RNLS: variants seen among roughly 807,000 people sequenced by gnomAD.
RNLS encodes the protein renalase.
A neutral mutation model predicts 39.8 loss-of-function variants in RNLS; 39 were observed. The observed-to-expected ratio is 0.98, with a 90% confidence interval of 0.76 to 1.28. The LOEUF is 1.28. Ranked by LOEUF, RNLS falls within the 50% of genes most tolerant of loss-of-function variation. The probability of loss-of-function intolerance (pLI) is 0.00; values close to 1 mark genes in which losing one functional copy is unlikely to be tolerated. For missense variants in RNLS, 410 were observed against 413.3 expected, an observed-to-expected ratio of 0.99 and a Z score of 0.07; for synonymous variants, 147 against 150.7, an observed-to-expected ratio of 0.98 and a Z score of 0.18.
the RNLS span, among the ~76,000 whole-genome samples, chr10:88,259,739 C>CT: frequency 6.6e-6 from 1 of 152,052 alleles, no homozygotes; most frequent in Non-Finnish European, 1.5e-5. Context: ...TAAAGATAGA[C>CT]TTTTTTTGTT....
chr10:88,192,362 A>G, the RNLS span, among the ~76,000 whole-genome samples: 4 of 152,238 alleles, frequency 2.6e-5, no homozygotes, highest in African/African-American at 9.6e-5. Context: ...CTAAATATCT[A>G]AGTACCCATG....
chr10:88,454,364 C>T (rs1487855197), intron 4 of RNLS, among the ~76,000 whole-genome samples: 1 of 152,148 alleles, frequency 6.6e-6, no homozygotes, highest in Non-Finnish European at 1.5e-5. Context: ...TGTAGATCCA[C>T]CTTTTCCCTT....
intron 5 of RNLS, among the ~76,000 whole-genome samples, chr10:88,337,504 T>C (rs1311224036): frequency 2.0e-5 from 3 of 152,142 alleles, no homozygotes; most frequent in Non-Finnish European, 1.5e-5. Flanking sequence ...GCCAATCAGG[T>C]CAATAAGACT....
intron 4 of RNLS, among the ~76,000 whole-genome samples, chr10:88,396,031 A>C (rs1384845766): frequency 6.6e-6 from 1 of 152,134 alleles, no homozygotes; most frequent in Non-Finnish European, 1.5e-5. Flanking sequence ...ACACTTTCAA[A>C]TAAGCAAAAA....
Position 88,488,203 on chromosome 10 carries a change from C to T in RNLS, c.526+84700G>A, listed in dbSNP as rs1020732599. On this transcript the variant is annotated intron_variant, in intron 4 of 6. Coordinates refer to ENST00000331772, the MANE Select transcript of RNLS (RefSeq NM_001031709.3). ...TATAAAACATTAAATTATATACTTT[C>T]GATATGTGCAGGTTATTGTATATCA... 4.6e-5 allele frequency among the ~76,000 whole-genome samples: 7 copies of T among 151,902 alleles called. No homozygotes were observed. The South Asian group carries it at 1.2e-3, about 27-fold the overall frequency.
intron 4 of RNLS, among the ~76,000 whole-genome samples, chr10:88,494,756 A>G (rs1845074764): frequency 1.3e-5 from 2 of 152,140 alleles, no homozygotes; most frequent in South Asian, 4.1e-4. Context: ...ATTTGGAAGC[A>G]ACTCTGATAG....
At chr10:88,571,327 G>A (rs1425719884) in intron 4 of RNLS, among the ~76,000 whole-genome samples, 1 of 152,050 alleles carries the variant, frequency 6.6e-6, no homozygotes. Context: ...ACAAATAAAG[G>A]GGAAAAAGCT....
chr10:88,510,032 G>T (rs1172773177), intron 4 of RNLS, among the ~76,000 whole-genome samples: 1 of 152,078 alleles, frequency 6.6e-6, no homozygotes, highest in Non-Finnish European at 1.5e-5. Context: ...TTAACATTTG[G>T]AGTACATATG....
At position 88,320,771 on chromosome 10, in the gene RNLS, C is replaced by G. The variant is rs532579412; in HGVS notation, c.701-6130G>C. Among the ~76,000 whole-genome samples, 120 of 149,016 alleles carry G rather than the reference C, an allele frequency of 8.1e-4. 1 individual carries two copies. The South Asian group carries it at 9.4e-3, about 12-fold the overall frequency. On this transcript the variant is annotated intron_variant, in intron 5 of 6. Transcript: ENST00000331772. ...TTCTACTATTTTAAATGTATGTTTA[C>G]TCAACATCGGAGCACCAAGATTTAG...
At chr10:88,469,535 T>C (rs1843392529) in intron 4 of RNLS, among the ~76,000 whole-genome samples, 1 of 152,020 alleles carries the variant, frequency 6.6e-6, no homozygotes, top group Non-Finnish European at 1.5e-5. Context: ...GTGGCAGAAG[T>C]GTTATATAGT....
At chr10:88,453,368 G>A (rs1842458065) in intron 4 of RNLS, among the ~76,000 whole-genome samples, 1 of 152,216 alleles carries the variant, frequency 6.6e-6, no homozygotes, top group East Asian at 1.9e-4. Flanking sequence ...CAATGACTGG[G>A]TGATAGAAGG....
At chr10:88,457,569 A>G (rs1300831175) in intron 4 of RNLS, among the ~76,000 whole-genome samples, 3 of 152,236 alleles carry the variant, frequency 2.0e-5, no homozygotes, top group African/African-American at 7.2e-5. Context: ...AACCAATGCA[A>G]TGCACTGTCT....
intron 4 of RNLS, among the ~76,000 whole-genome samples, chr10:88,475,491 T>A (rs1254138453): frequency 6.6e-6 from 1 of 152,220 alleles, no homozygotes; most frequent in Non-Finnish European, 1.5e-5. Context: ...ATGATCTTTT[T>A]AACCCTCAGT....
chr10:88,320,391 G>T (rs577157555), intron 5 of RNLS, among the ~76,000 whole-genome samples: 1 of 151,254 alleles, frequency 6.6e-6, no homozygotes, highest in Non-Finnish European at 1.5e-5. Context: ...ACACAATTGA[G>T]AATACAAAGT....
chr10:88,251,380 AT>A, the RNLS span, among the ~76,000 whole-genome samples: 1 of 152,206 alleles, frequency 6.6e-6, no homozygotes, highest in Admixed American at 6.5e-5. Flanking sequence ...ACTTTGAACA[AT>A]TTACCTAAAT....
chr10:88,582,183 C>G lies in RNLS; in HGVS notation c.224+19G>C. 4 of 1,582,384 alleles carry G rather than the reference C, an allele frequency of 2.5e-6. No homozygotes were observed. Among genetic ancestry groups the G allele is most frequent in the Non-Finnish European group, 3.5e-6 (4 of 1,152,914 alleles). Reference sequence around the variant, plus strand: ...CACACAACTGCTAAGATTGATTCCACTCCTTGCAACTAACTCACCGTTGGT... The same window carrying G: ...CACACAACTGCTAAGATTGATTCCAGTCCTTGCAACTAACTCACCGTTGGT... On this transcript the variant is annotated intron_variant, in intron 2 of 6. Coordinates refer to ENST00000331772, the MANE Select transcript of RNLS (RefSeq NM_001031709.3).
At chr10:88,195,812 C>T in the RNLS span, among the ~76,000 whole-genome samples, 1 of 152,220 alleles carries the variant, frequency 6.6e-6, no homozygotes, top group Non-Finnish European at 1.5e-5. Flanking sequence ...GATTCAAAAA[C>T]AGCCCCATCA....
intron 4 of RNLS, among the ~76,000 whole-genome samples, chr10:88,428,816 T>C (rs1171570871): frequency 2.0e-5 from 3 of 151,924 alleles, no homozygotes; most frequent in Non-Finnish European, 4.4e-5. Context: ...GGTAGTCACT[T>C]TGGGAATTAT....
chr10:88,358,487 T>C (rs934449441), intron 5 of RNLS, among the ~76,000 whole-genome samples: 1 of 152,246 alleles, frequency 6.6e-6, no homozygotes, highest in Non-Finnish European at 1.5e-5. Flanking sequence ...GTGTCTTTTC[T>C]GTAGGAATAT....
Sources: allele counts gnomAD v4.1 joint callset (sites outside exome capture counted in the v4.1 genomes callset), GRCh38; gene constraint gnomAD v4.1.1; transcripts MANE v1.5; gene names NCBI Gene and HGNC (gene_info 2026-07-23, HGNC 2026-07-21).